The following GSTCD variants were observed in gnomAD, a reference collection of about 807,000 sequenced individuals.
GSTCD encodes glutathione S-transferase C-terminal domain containing.
Under a neutral mutation model 68.3 loss-of-function variants are expected in GSTCD, and 44 were observed. The ratio of observed to expected loss-of-function variants is 0.64; its 90% CI spans 0.51 to 0.83. The LOEUF (loss-of-function observed/expected upper bound fraction) is 0.83. GSTCD is among the 40% of genes least tolerant of loss of function. The pLI, the probability that GSTCD is intolerant of heterozygous loss-of-function variation, is 0.00. For synonymous variants in GSTCD, 273 were observed against 255.2 expected (o/e 1.07, Z -0.67); for missense variants, 739 against 735.9 (o/e 1.00, Z -0.05).
At chr4:105,842,381 T>A (rs1421672071) in intron 11 of GSTCD, among the ~76,000 whole-genome samples, 1 of 152,240 alleles carries the variant, frequency 6.6e-6, no homozygotes, top group Non-Finnish European at 1.5e-5. Flanking sequence ...TGAGTAGAAT[T>A]CTTACATTAA....
intron 3 of GSTCD, among the ~76,000 whole-genome samples, chr4:105,721,922 T>G (rs1030065307): frequency 6.6e-6 from 1 of 152,122 alleles, no homozygotes; most frequent in Non-Finnish European, 1.5e-5. Context: ...CGTATCAACA[T>G]TATGGGAGAA....
chr4:105,781,054 A>T (rs901699048), intron 5 of GSTCD, among the ~76,000 whole-genome samples: 1 of 152,180 alleles, frequency 6.6e-6, no homozygotes, highest in African/African-American at 2.4e-5. Context: ...GGAGAATCAT[A>T]ATATTTACCT....
intron 5 of GSTCD, among the ~76,000 whole-genome samples, chr4:105,731,757 C>T (rs915561957): frequency 6.6e-6 from 1 of 152,194 alleles, no homozygotes; most frequent in Non-Finnish European, 1.5e-5. Context: ...GAGAGGGCAT[C>T]CCTGTCTTGT....
At chr4:105,794,501 A>C (rs1735794900) in intron 5 of GSTCD, among the ~76,000 whole-genome samples, 3 of 151,972 alleles carry the variant, frequency 2.0e-5, no homozygotes, top group Non-Finnish European at 4.4e-5. Context: ...TGTCAAGGGG[A>C]GGGGAGCAAG....
At position 105,726,665 on chromosome 4, in the gene GSTCD, A is replaced by G; in HGVS notation, c.981A>G (p.Gly327=). 2 of 1,613,946 alleles carry G rather than the reference A, an allele frequency of 1.2e-6. No individual in the cohort carries two copies. The highest frequency in any genetic ancestry group is 1.7e-6 in the Non-Finnish European group (2 of 1,179,910). The change falls in exon 4 of 12, where the codon GGA becomes GGG. Residue 327 remains glycine, a synonymous_variant. Coordinates refer to ENST00000515279, the MANE Select transcript of GSTCD (RefSeq NM_001370181.1). ...SWYQRIQEVP[G]VKTAASKCGI... ...ACCAGAGGATTCAGGAAGTGCCAGG[A>G]GTAAAAACAGCAGCTTCTAAGTGTG...
chr4:105,794,245 G>A (rs1279138430), intron 5 of GSTCD, among the ~76,000 whole-genome samples: 1 of 152,010 alleles, frequency 6.6e-6, no homozygotes, highest in Non-Finnish European at 1.5e-5. Flanking sequence ...GTGGTTGCCG[G>A]ACTACTGGGA....
chr4:105,845,888 C>T lies in GSTCD; in HGVS notation c.*311C>T. On this transcript the variant is annotated 3_prime_UTR_variant, in exon 12 of 12. Coordinates refer to ENST00000515279, the MANE Select transcript of GSTCD (RefSeq NM_001370181.1). Reference sequence around the variant, plus strand: ...AATTTCCTTCTCACTTCACAAGCTCCTCTGATCTTGCCAATGTGATGTTTA... The same window carrying T: ...AATTTCCTTCTCACTTCACAAGCTCTTCTGATCTTGCCAATGTGATGTTTA... 1 of 281,286 alleles carries T rather than the reference C, an allele frequency of 3.6e-6. No homozygotes were observed. The highest frequency in any genetic ancestry group is 6.3e-5 in the East Asian group (1 of 15,770). The allele number at this position is 281,286 out of a possible 1,614,324, so 17.4% of individuals were successfully genotyped here. A position where few individuals can be genotyped will look rare whatever the true frequency, so the allele number is the denominator to read the frequency against.
At chr4:105,797,760 CTTTTTTTTTTTTTTTTT>C (rs70941218) in intron 5 of GSTCD, among the ~76,000 whole-genome samples, 2 of 84,948 alleles carry the variant, frequency 2.4e-5, no homozygotes, top group African/African-American at 9.5e-5. Context: ...CACAATAGAA[CTTTTTTTTTTTTTTTTT>C]TTTTTTTTTT....
At position 105,717,776 on chromosome 4, in the gene GSTCD, G is replaced by A. The variant is rs376626541; in HGVS notation, c.163G>A (p.Glu55Lys). 6.2e-7 allele frequency: 1 copy of A among 1,613,656 alleles called. No homozygotes were observed. The highest frequency in any genetic ancestry group is 1.3e-5 in the African/African-American group (1 of 74,924). ...IFKICLVVTKEVSRDSSLLRD... is the reference protein window; with the variant it reads ...IFKICLVVTKKVSRDSSLLRD... ...TAAAATTTGCTTAGTTGTCACCAAA[G>A]AGGTGAGTAGAGATAGTTCACTACT... The change falls in exon 2 of 12, where the codon GAG becomes AAG. Residue 55 changes from glutamate to lysine, a missense_variant. Glu to Lys is a moderately conservative substitution (Grantham distance 56). Coordinates refer to ENST00000515279, the MANE Select transcript of GSTCD (RefSeq NM_001370181.1).
chr4:105,721,669 C>T (rs567951953), intron 3 of GSTCD, among the ~76,000 whole-genome samples: 1 of 151,566 alleles, frequency 6.6e-6, no homozygotes, highest in East Asian at 1.9e-4. Context: ...TTTAATTTGT[C>T]AGAGACAAAC....
intron 3 of GSTCD, among the ~76,000 whole-genome samples, chr4:105,721,414 T>A (rs1732854572): frequency 6.6e-6 from 1 of 152,122 alleles, no homozygotes; most frequent in Non-Finnish European, 1.5e-5. Context: ...CAGGATCAAG[T>A]TCAACATCCG....
At chr4:105,746,389 T>C (rs537947961) in intron 5 of GSTCD, 1 of 152,230 alleles carries the variant, frequency 6.6e-6, no homozygotes, top group East Asian at 1.9e-4. Flanking sequence ...GGCAGAGCAT[T>C]TCAAACCTGT....
At chr4:105,750,148 C>G (rs569769107) in intron 5 of GSTCD, among the ~76,000 whole-genome samples, 1 of 152,104 alleles carries the variant, frequency 6.6e-6, no homozygotes, top group African/African-American at 2.4e-5. Context: ...ACACACCTAT[C>G]GGAATGTCTC....
Position 105,846,341 on chromosome 4 carries a change from A to C in GSTCD, c.*764A>C, listed in dbSNP as rs2149291503. The stretch of plus-strand genomic sequence containing the variant: ...ACTCCTGCCTGGGAAAATGAGACCC[A>C]GACTCAAAATAAATCAATGAATGAA... On this transcript the variant is annotated 3_prime_UTR_variant, in exon 12 of 12. Coordinates refer to ENST00000515279, the MANE Select transcript of GSTCD (RefSeq NM_001370181.1). The C allele has an allele frequency of 6.6e-6, 1 of 152,148 alleles. No homozygotes were observed. The highest frequency in any genetic ancestry group is 2.4e-5 in the African/African-American group (1 of 41,430). The allele number at this position is 152,148 out of a possible 1,614,324, so 9.4% of individuals were successfully genotyped here. A position where few individuals can be genotyped will look rare whatever the true frequency, so the allele number is the denominator to read the frequency against.
Position 105,842,075 on chromosome 4 carries a change from T to C in GSTCD, c.1706T>C (p.Ile569Thr), listed in dbSNP as rs764823495. ...TGCTTTTTCTTTTAGGAACACATGA[T>C]TCTGTGCAGATTTGCAGACCAGACA... ...KKTLSYKEHMILCRFADQTAV... is the reference protein window; with the variant it reads ...KKTLSYKEHMTLCRFADQTAV... The change falls in exon 11 of 12, where the codon ATT (isoleucine) becomes ACT (threonine). Residue 569 changes from isoleucine (I) to threonine (T), a missense_variant. By Grantham distance (89) the Ile-to-Thr change is moderately conservative (BLOSUM62 -1). Transcript: ENST00000515279. The C allele has an allele frequency of 6.2e-7, 1 of 1,613,746 alleles. No homozygotes were observed. Among genetic ancestry groups the C allele is most frequent in the Admixed American group, 1.7e-5 (1 of 60,026 alleles).
intron 8 of GSTCD, chr4:105,827,051 G>A (rs1189503119): frequency 6.6e-6 from 1 of 152,138 alleles, no homozygotes; most frequent in Non-Finnish European, 1.5e-5. Context: ...AAGCCTGGCT[G>A]TTAATAAGGA....
At chr4:105,712,087 T>C (rs2149201102) in intron 1 of GSTCD, among the ~76,000 whole-genome samples, 1 of 152,362 alleles carries the variant, frequency 6.6e-6, no homozygotes, top group African/African-American at 2.4e-5. Context: ...TTAATAATAC[T>C]CTCAGACAGT....
In GSTCD at chr4:105,719,313, C is replaced by G; in HGVS notation, c.680C>G (p.Ser227Cys). ...AKSKVHTQET[S>C]EGLDSSSKSL... ...AGCAAGGTCCACACACAGGAAACATCTGAAGGGTTGGATTCTTCATCCAAG... is the reference window on the plus strand; with the variant it reads ...AGCAAGGTCCACACACAGGAAACATGTGAAGGGTTGGATTCTTCATCCAAG... The change falls in exon 3 of 12, where the codon TCT becomes TGT. Residue 227 changes from serine (S) to cysteine (C), a missense_variant. Transcript: ENST00000515279. The G allele has an allele frequency of 6.2e-7, 1 of 1,614,104 alleles. No homozygotes were observed. The highest frequency in any genetic ancestry group is 1.1e-5 in the South Asian group (1 of 91,080).
intron 3 of GSTCD, among the ~76,000 whole-genome samples, chr4:105,725,613 AT>A (rs1490534729): frequency 6.6e-6 from 1 of 152,050 alleles, no homozygotes; most frequent in Non-Finnish European, 1.5e-5. Flanking sequence ...CTTAGTTGCC[AT>A]CTGTGTATCT....
Sources: allele counts gnomAD v4.1 joint callset (sites outside exome capture counted in the v4.1 genomes callset), GRCh38; gene constraint gnomAD v4.1.1; transcripts MANE v1.5; gene names NCBI Gene and HGNC (gene_info 2026-07-23, HGNC 2026-07-21).